Variants in DMXL1 observed in about 807,000 individuals in gnomAD.
The protein encoded by DMXL1 is Dmx like 1.
In DMXL1, 99 loss-of-function variants were observed where a neutral mutation model predicts 319.2. The ratio of observed to expected loss-of-function variants is 0.31; its 90% CI spans 0.26 to 0.37. DMXL1 has a LOEUF of 0.37. Among genes scored for constraint, DMXL1 ranks in the 10% least tolerant of loss-of-function variants. DMXL1 has a pLI of 1.00. For missense variants in DMXL1, 3,745 were observed against 3,595.6 expected (o/e 1.04, Z -1.06); for synonymous variants, 1,385 against 1,235.2 (o/e 1.12, Z -2.54).
In DMXL1 at chr5:119,215,508, A is replaced by T. The variant is rs1010223149; in HGVS notation, c.7927-1393A>T. On this transcript the variant is annotated intron_variant, in intron 34 of 43. Transcript: ENST00000539542. ...TTTTTAGTAAAGTAATTTCTAGTTA[A>T]TTTTTGTAATTTTAGTAAAATTTTG... is the stretch of plus-strand genomic sequence containing the variant. Among the ~76,000 whole-genome samples, 2 of 151,814 alleles carry T rather than the reference A, an allele frequency of 1.3e-5. 1 individual carries two copies. The highest frequency in any genetic ancestry group is 4.2e-4 in the South Asian group (2 of 4,800).
At chr5:119,116,452 T>G (rs985380752) in intron 7 of DMXL1, 116 bp downstream of exon 7, 18 of 1,127,294 alleles carry the variant, frequency 1.6e-5, no homozygotes, top group Non-Finnish European at 2.2e-5. Flanking sequence ...CTATGAAGAT[T>G]AGAGTAATAT....
chr5:119,093,702 G>A (rs978407412), intron 1 of DMXL1, among the ~76,000 whole-genome samples: 1 of 152,174 alleles, frequency 6.6e-6, no homozygotes, highest in Non-Finnish European at 1.5e-5. Context: ...TAGGCCTATT[G>A]TGCTAGTTAG....
rs1749441981 is a variant in DMXL1, at chr5:119,071,173, G to T, written c.-397G>T. On this transcript the variant is annotated 5_prime_UTR_variant, in exon 1 of 44. Coordinates refer to ENST00000539542, the MANE Select transcript of DMXL1 (RefSeq NM_001290321.3). Reference sequence around the variant, plus strand: ...CAGGTCAGGCGGGGAGTGCGAGCGCGTACTGCTTGCGCCACTCGGGCTGGG... The same window carrying T: ...CAGGTCAGGCGGGGAGTGCGAGCGCTTACTGCTTGCGCCACTCGGGCTGGG... 8.4e-6 allele frequency: 2 copies of T among 237,056 alleles called. No homozygotes were observed. The highest frequency in any genetic ancestry group is 1.7e-5 in the Non-Finnish European group (2 of 119,344). The allele number at this position is 237,056 out of a possible 1,614,324, so 14.7% of individuals were successfully genotyped here.
intron 17 of DMXL1, among the ~76,000 whole-genome samples, chr5:119,148,298 A>T (rs539586220): frequency 1.3e-5 from 2 of 152,262 alleles, no homozygotes; most frequent in South Asian, 2.1e-4. Context: ...TGACAAATTT[A>T]AAAAAATGCA....
Position 119,216,611 on chromosome 5 carries a change from T to C in DMXL1, c.7927-290T>C, listed in dbSNP as rs1308466383. Among the ~76,000 whole-genome samples, 3 of 152,206 alleles carry C rather than the reference T, an allele frequency of 2.0e-5. No individual in the cohort carries two copies. The East Asian group carries it at 5.8e-4, about 29-fold the overall frequency. On this transcript the variant is annotated intron_variant, in intron 34 of 43. Coordinates refer to ENST00000539542, the MANE Select transcript of DMXL1 (RefSeq NM_001290321.3). ...ACATTTTGCTTTAATAATTAGAATG[T>C]GTTGATCCTTTAAAGTTAATTAACT...
Position 119,116,220 on chromosome 5 carries a change from A to G in DMXL1, c.627A>G (p.Pro209=). 1 of 1,613,952 alleles carries G rather than the reference A, an allele frequency of 6.2e-7. No individual in the cohort carries two copies. Among genetic ancestry groups the G allele is most frequent in the Non-Finnish European group, 8.5e-7 (1 of 1,179,972 alleles). Residue 209 remains proline, a synonymous_variant, in exon 7 of 44, where the codon CCA becomes CCG. Transcript: ENST00000539542. ...VENWRTAVTS[P]DGSSEKQSQG... ...ACTGGCGGACAGCTGTTACTTCTCC[A>G]GATGGAAGTTCAGAAAAACAATCCC...
rs1256236527 is a variant in DMXL1, at chr5:119,129,127, G to A, written c.1103-84G>A. 3 of 802,182 alleles carry A rather than the reference G, an allele frequency of 3.7e-6. No homozygotes were observed. The Admixed American group carries it at 8.8e-5, about 24-fold the overall frequency. The allele number at this position is 802,182 out of a possible 1,614,324, so 49.7% of individuals were successfully genotyped here. Reference sequence around the variant, plus strand: ...ACTTTCAGGCAAACAAAATATAAATGTAATAGTAATAAAAATATGAAACAT... The same window carrying A: ...ACTTTCAGGCAAACAAAATATAAATATAATAGTAATAAAAATATGAAACAT... On this transcript the variant is annotated intron_variant, in intron 9 of 43. Coordinates refer to ENST00000539542, the MANE Select transcript of DMXL1 (RefSeq NM_001290321.3).
intron 29 of DMXL1, among the ~76,000 whole-genome samples, chr5:119,190,741 T>C (rs1778567588): frequency 6.6e-6 from 1 of 152,210 alleles, no homozygotes; most frequent in Non-Finnish European, 1.5e-5. Context: ...CAGAGGAATT[T>C]AGTGAAAGTG....
chr5:119,100,619 C>G (rs1031591019), intron 2 of DMXL1: 6 of 151,882 alleles, frequency 4.0e-5, no homozygotes, highest in African/African-American at 9.7e-5. Context: ...AAATTGTTCA[C>G]CTTGGTGTGA....
At position 119,193,858 on chromosome 5, in the gene DMXL1, G is replaced by A. The variant is rs374528597; in HGVS notation, c.7345G>A (p.Glu2449Lys). Residue 2449 changes from glutamate (E) to lysine (K), a missense_variant, in exon 30 of 44, where the codon GAA becomes AAA. By Grantham distance (56) the Glu-to-Lys change is moderately conservative (BLOSUM62 1). Transcript: ENST00000539542. Reference sequence around the variant, plus strand: ...TCTACCCTCTTCTCAAAGTAGAGCCGAATATGATTCAGAGGAGAGTCTGGG... The same window carrying A: ...TCTACCCTCTTCTCAAAGTAGAGCCAAATATGATTCAGAGGAGAGTCTGGG... ...PFLPSSQSRA[E>K]YDSEESLGSD... The A allele has an allele frequency of 9.3e-6, 15 of 1,612,628 alleles. No individual in the cohort carries two copies. Among genetic ancestry groups the A allele is most frequent in the African/African-American group, 5.3e-5 (4 of 74,788 alleles).
chr5:119,144,095 T>A (rs1460656350), intron 14 of DMXL1, among the ~76,000 whole-genome samples, 165 bp downstream of exon 14: 2 of 151,844 alleles, frequency 1.3e-5, no homozygotes, highest in African/African-American at 4.8e-5. Context: ...ATATTTTACT[T>A]CCTAGACTTC....
At chr5:119,187,033 C>T (rs1030391749) in intron 28 of DMXL1, among the ~76,000 whole-genome samples, 6 of 151,870 alleles carry the variant, frequency 4.0e-5, no homozygotes, top group African/African-American at 1.2e-4. Flanking sequence ...ATGTAACAAA[C>T]CTGCACGTTG....
chr5:119,116,833 T>G (rs1325639578), intron 7 of DMXL1, among the ~76,000 whole-genome samples: 2 of 152,182 alleles, frequency 1.3e-5, no homozygotes, highest in South Asian at 2.1e-4. Flanking sequence ...ATACCCTACC[T>G]TATTCTTCTT....
In DMXL1 at chr5:119,143,900, C is replaced by T. The variant is rs1212860188; in HGVS notation, c.2436C>T (p.Cys812=). ...VSQQSTARPG[C]IIALDPITKL... is the part of the protein sequence containing the mutation. ...AACAATCAACAGCCAGGCCAGGATGCATTATTGCATTAGATCCCATTACCA... is the reference window on the plus strand; with the variant it reads ...AACAATCAACAGCCAGGCCAGGATGTATTATTGCATTAGATCCCATTACCA... Residue 812 remains cysteine (C), a synonymous_variant, in exon 14 of 44, where the codon TGC becomes TGT. Coordinates refer to ENST00000539542, the MANE Select transcript of DMXL1 (RefSeq NM_001290321.3). 3 of 1,583,812 alleles carry T rather than the reference C, an allele frequency of 1.9e-6. No homozygotes were observed. Among genetic ancestry groups the T allele is most frequent in the South Asian group, 2.3e-5 (2 of 85,118 alleles).
chr5:119,163,422 T>C (rs1000368774), intron 19 of DMXL1, among the ~76,000 whole-genome samples: 1 of 152,232 alleles, frequency 6.6e-6, no homozygotes, highest in African/African-American at 2.4e-5. Context: ...TTTTTGTTTT[T>C]ATTTTCATTT....
chr5:119,245,975 A>G (rs1789685708), intron 43 of DMXL1, among the ~76,000 whole-genome samples: 1 of 152,204 alleles, frequency 6.6e-6, no homozygotes, highest in Admixed American at 6.5e-5. Flanking sequence ...GGTAGTATGA[A>G]TTAATGAATT....
chr5:119,164,467 T>C, intron 19 of DMXL1, 40 bp from the exon 20 acceptor site: 2 of 1,551,146 alleles, frequency 1.3e-6, no homozygotes, highest in Non-Finnish European at 1.8e-6. Context: ...TATAAGCATA[T>C]TTATAATTCT....
At chr5:119,141,328 A>T (rs1767293977) in intron 13 of DMXL1, among the ~76,000 whole-genome samples, 1 of 152,206 alleles carries the variant, frequency 6.6e-6, no homozygotes, top group Non-Finnish European at 1.5e-5. Context: ...TTTGTACATG[A>T]CATGTTTCTA....
At chr5:119,226,725 A>G (rs892851173) in intron 38 of DMXL1, among the ~76,000 whole-genome samples, 1 of 152,170 alleles carries the variant, frequency 6.6e-6, no homozygotes, top group Non-Finnish European at 1.5e-5. Context: ...TTTCACCTAC[A>G]CATCTGGCAT....
Sources: gnomAD v4.1 joint callset for allele counts (sites outside exome capture counted in the v4.1 genomes callset) on GRCh38, gnomAD v4.1.1 for gene constraint, MANE v1.5 for transcripts, NCBI Gene and HGNC (gene_info 2026-07-23, HGNC 2026-07-21) for gene names.